The following BLTP1 variants were observed in gnomAD, a reference collection of about 807,000 sequenced individuals.
BLTP1 encodes the protein bridge-like lipid transfer protein family member 1.
the BLTP1 span, chr4:122,200,839 G>A: frequency 1.3e-6 from 1 of 783,374 alleles, no homozygotes; most frequent in African/African-American, 1.9e-5. Context: ...TGTAGCCATG[G>A]ATATTGACCT....
At chr4:122,352,002 TG>T in the BLTP1 span, among the ~76,000 whole-genome samples, 1 of 152,174 alleles carries the variant, frequency 6.6e-6, no homozygotes, top group South Asian at 2.1e-4. Flanking sequence ...CTGAAACCCC[TG>T]GAGATGTTAT....
At chr4:122,289,585 C>T in the BLTP1 span, 3 of 985,274 alleles carry the variant, frequency 3.0e-6, no homozygotes, top group Middle Eastern at 5.2e-4. Context: ...TCTGTGGAAA[C>T]CCTCATTATA....
At chr4:122,248,053 AG>A in the BLTP1 span, 1 of 985,166 alleles carries the variant, frequency 1.0e-6, no homozygotes, top group Non-Finnish European at 1.2e-6. Context: ...TGTATTTTAT[AG>A]GTTCTGAAGT....
the BLTP1 span, among the ~76,000 whole-genome samples, chr4:122,291,302 G>C: frequency 1.3e-5 from 2 of 152,212 alleles, no homozygotes; most frequent in Admixed American, 1.3e-4. Flanking sequence ...CACAGGGCCT[G>C]ATGGCGCATA....
At chr4:122,238,099 G>A in the BLTP1 span, 2 of 1,613,756 alleles carry the variant, frequency 1.2e-6, no homozygotes, top group Admixed American at 3.3e-5. Context: ...TAGGTAATGT[G>A]AATGGCATGA....
the BLTP1 span, chr4:122,215,320 T>C: frequency 1.1e-6 from 1 of 940,618 alleles, no homozygotes; most frequent in Non-Finnish European, 1.3e-6. Flanking sequence ...ATCTAAATTT[T>C]TTTAAGATTT....
chr4:122,337,258 A>G, the BLTP1 span: 1 of 475,684 alleles, frequency 2.1e-6, no homozygotes, highest in Non-Finnish European at 3.7e-6. Context: ...CAAACTGAAT[A>G]GCGTAAGTCA....
At chr4:122,300,963 G>T in the BLTP1 span, 15 of 983,870 alleles carry the variant, frequency 1.5e-5, no homozygotes, top group Non-Finnish European at 1.8e-5. Context: ...TCACCACCAG[G>T]GGCTCTGCAA....
the BLTP1 span, chr4:122,257,380 T>G: frequency 6.2e-7 from 1 of 1,614,100 alleles, no homozygotes. Flanking sequence ...CAGCTCAGCC[T>G]CTGAAACCTC....
chr4:122,299,034 C>A, the BLTP1 span: 1 of 985,354 alleles, frequency 1.0e-6, no homozygotes, highest in Non-Finnish European at 1.2e-6. Context: ...TGAGGGTCAG[C>A]TAAGGTACTG....
At chr4:122,281,968 G>A in the BLTP1 span, 9 of 984,810 alleles carry the variant, frequency 9.1e-6, no homozygotes, top group Non-Finnish European at 9.6e-6. Context: ...TGAATGACCA[G>A]AATGAACTCT....
At chr4:122,181,665 A>G in the BLTP1 span, among the ~76,000 whole-genome samples, 1 of 151,738 alleles carries the variant, frequency 6.6e-6, no homozygotes, top group African/African-American at 2.4e-5. Context: ...TCCTCTATCT[A>G]GTATAGTCTA....
chr4:122,355,735 A>G, the BLTP1 span: 1 of 1,505,614 alleles, frequency 6.6e-7, no homozygotes, highest in African/African-American at 1.4e-5. Flanking sequence ...CTTGAAAGCT[A>G]TATAGGCTTG....
At chr4:122,280,171 G>T in the BLTP1 span, 1 of 985,432 alleles carries the variant, frequency 1.0e-6, no homozygotes, top group Non-Finnish European at 1.2e-6. Flanking sequence ...TTAAAGTACA[G>T]TGTCGTCAGT....
At chr4:122,350,136 A>C in the BLTP1 span, 1 of 1,526,592 alleles carries the variant, frequency 6.6e-7, no homozygotes, top group South Asian at 1.3e-5. Context: ...TTACATTTTT[A>C]ATTTAAAATA....
At chr4:122,346,705 T>C in the BLTP1 span, 1,405 of 1,613,428 alleles carry the variant, frequency 8.7e-4, 17 homozygotes, top group East Asian at 0.029. Context: ...GAGCATGGTA[T>C]AGAAGAAGTA....
At chr4:122,303,766 A>G in the BLTP1 span, among the ~76,000 whole-genome samples, 13 of 152,326 alleles carry the variant, frequency 8.5e-5, no homozygotes, top group East Asian at 2.5e-3. Flanking sequence ...AATTGCTGCA[A>G]TCTTATGATA....
At chr4:122,308,242 T>C in the BLTP1 span, 6 of 1,463,210 alleles carry the variant, frequency 4.1e-6, no homozygotes, top group Non-Finnish European at 5.6e-6. Flanking sequence ...AATATAACAG[T>C]ACATTTTTCA....
chr4:122,175,800 G>A, the BLTP1 span: 2 of 1,246,392 alleles, frequency 1.6e-6, no homozygotes, highest in Non-Finnish European at 2.3e-6. Flanking sequence ...TAAGAAATGA[G>A]TTAAGTAAAT....
Sources: gnomAD v4.1 joint callset for allele counts (sites outside exome capture counted in the v4.1 genomes callset) on GRCh38, gnomAD v4.1.1 for gene constraint, MANE v1.5 for transcripts, NCBI Gene and HGNC (gene_info 2026-07-23, HGNC 2026-07-21) for gene names.